ZNF208: variants seen among roughly 807,000 people sequenced by gnomAD.
The protein encoded by ZNF208 is zinc finger protein 95.
In ZNF208, 10 loss-of-function variants were observed where a neutral mutation model predicts 12.1. That is an observed-to-expected ratio of 0.83 (90% confidence interval 0.51 to 1.40). The LOEUF (loss-of-function observed/expected upper bound fraction) is 1.40. Among genes scored for constraint, ZNF208 ranks in the 40% most tolerant of loss-of-function variants. The pLI is 0.00. For missense variants in ZNF208, 1,652 were observed against 1,485.0 expected, an observed-to-expected ratio of 1.11 and a Z score of -1.85; for synonymous variants, 497 against 488.4, an observed-to-expected ratio of 1.02 and a Z score of -0.23.
At chr19:21,964,961 G>C (rs551105713), downstream of ZNF208, among the ~76,000 whole-genome samples, 1 of 151,800 alleles carries the variant, frequency 6.6e-6, no homozygotes, top group Non-Finnish European at 1.5e-5. Context: ...AAATAAGTAC[G>C]AAAATTTATG....
At chr19:22,001,684 G>A (rs527860925) in intron 1 of ZNF208, among the ~76,000 whole-genome samples, 6 of 151,986 alleles carry the variant, frequency 3.9e-5, no homozygotes, top group Admixed American at 2.6e-4. Flanking sequence ...GAGGTCAGGA[G>A]TTCAAGACCA....
At chr19:21,977,319 G>A (rs1274092588) in intron 3 of ZNF208, among the ~76,000 whole-genome samples, 1 of 152,216 alleles carries the variant, frequency 6.6e-6, no homozygotes, top group South Asian at 2.1e-4. Flanking sequence ...CTGGTCTACA[G>A]CTCCCAGCGC....
chr19:21,946,885 C>G (rs1230351157), intron 4 of ZNF208, among the ~76,000 whole-genome samples: 2 of 152,084 alleles, frequency 1.3e-5, no homozygotes, highest in East Asian at 3.9e-4. Flanking sequence ...CCTAAAAGCC[C>G]TTGGACCAAC....
intron 4 of ZNF208, among the ~76,000 whole-genome samples, chr19:21,948,503 C>T (rs2522090): frequency 0.56 from 84,683 of 151,916 alleles, 23,869 homozygotes; most frequent in East Asian, 0.69. Context: ...CCCCAATACC[C>T]ATATATCATC....
At chr19:21,950,314 G>C (rs1408294684) in intron 4 of ZNF208, among the ~76,000 whole-genome samples, 1 of 151,910 alleles carries the variant, frequency 6.6e-6, no homozygotes, top group Non-Finnish European at 1.5e-5. Flanking sequence ...ATAACCTCTG[G>C]TGGCCTGGGA....
intron 4 of ZNF208, among the ~76,000 whole-genome samples, chr19:21,960,918 T>C: frequency 6.6e-6 from 1 of 152,282 alleles, no homozygotes; most frequent in East Asian, 1.9e-4. Context: ...CTATTCAGTG[T>C]GAAGATGATG....
At chr19:21,966,041 C>T (rs1010651374), downstream of ZNF208, 4 of 151,994 alleles carry the variant, frequency 2.6e-5, no homozygotes, top group African/African-American at 9.7e-5. Flanking sequence ...AAAAATTTGT[C>T]TTTCACCCCT....
Position 21,974,427 on chromosome 19 carries a change from A to G in ZNF208, c.607T>C (p.Cys203Arg), listed in dbSNP as rs1970386721. ...TTAAAAGCTTTGCCACCTTCTTCAC[A>G]TTTGTAGGAATTCTCTCTAGTATAA... ...RIYTRENSYK[C>R]EEGGKAFNWS... Residue 203 changes from cysteine to arginine, a missense_variant, in exon 4 of 4, where the codon TGT becomes CGT. Coordinates refer to ENST00000397126, the MANE Select transcript of ZNF208 (RefSeq NM_007153.3). 1 of 1,613,680 alleles carries G rather than the reference A, an allele frequency of 6.2e-7. No individual in the cohort carries two copies. Among genetic ancestry groups the G allele is most frequent in the South Asian group, 1.1e-5 (1 of 91,072 alleles).
Position 21,987,207 on chromosome 19 carries a change from C to G in ZNF208, c.226+9G>C. ...CTCATCCATGTTGTCTGTATTCACT[C>G]TCACCTACCTGGGGATTCTTCCACC... On this transcript the variant is annotated intron_variant, in intron 3 of 3. Coordinates refer to ENST00000397126, the MANE Select transcript of ZNF208 (RefSeq NM_007153.3). 6.2e-7 allele frequency: 1 copy of G among 1,608,726 alleles called. No homozygotes were observed. Among genetic ancestry groups the G allele is most frequent in the East Asian group, 2.3e-5 (1 of 44,436 alleles).
intron 1 of ZNF208, among the ~76,000 whole-genome samples, chr19:21,997,188 G>A (rs1970852722): frequency 6.6e-6 from 1 of 152,202 alleles, no homozygotes. Flanking sequence ...ATTTGCTCAA[G>A]AGATTGCAAA....
At chr19:22,000,820 A>C (rs1970932231) in intron 1 of ZNF208, among the ~76,000 whole-genome samples, 1 of 152,184 alleles carries the variant, frequency 6.6e-6, no homozygotes, top group Non-Finnish European at 1.5e-5. Flanking sequence ...TAGATTAATG[A>C]AGAAGATACA....
intron 4 of ZNF208, among the ~76,000 whole-genome samples, chr19:21,960,781 G>C (rs1385993669): frequency 2.0e-5 from 3 of 152,168 alleles, no homozygotes; most frequent in Admixed American, 6.5e-5. Context: ...TGAAGCCTCT[G>C]CAGCTGTGTG....
chr19:21,968,143 C>A lies in ZNF208; in HGVS notation c.*3048G>T, dbSNP rs972727325. On this transcript the variant is annotated 3_prime_UTR_variant, in exon 4 of 4. Transcript: ENST00000397126. ...CAGGCTTAGAACTCTTTTGGTGAAACCTTTAAAGTATTCTAGGTGGACAAT... is the reference window on the plus strand; with the variant it reads ...CAGGCTTAGAACTCTTTTGGTGAAAACTTTAAAGTATTCTAGGTGGACAAT... The A allele has an allele frequency of 1.3e-5, 2 of 151,874 alleles. No homozygotes were observed. Among genetic ancestry groups the A allele is most frequent in the Non-Finnish European group, 2.9e-5 (2 of 67,968 alleles). The allele number at this position is 151,874 out of a possible 1,614,324, so 9.4% of individuals were successfully genotyped here. A position where few individuals can be genotyped will look rare whatever the true frequency, so the allele number is the denominator to read the frequency against.
chr19:21,959,383 C>T (rs1000136139), intron 4 of ZNF208, among the ~76,000 whole-genome samples: 2 of 152,156 alleles, frequency 1.3e-5, no homozygotes, highest in Non-Finnish European at 2.9e-5. Flanking sequence ...TACTCACATA[C>T]ACAGAAAAAG....
intron 4 of ZNF208, among the ~76,000 whole-genome samples, chr19:21,957,877 C>T (rs1324119513): frequency 6.6e-6 from 1 of 151,498 alleles, no homozygotes; most frequent in African/African-American, 2.4e-5. Context: ...GGTACCTGTG[C>T]ACAATGTGCA....
At chr19:22,002,301 T>C (rs1430301297) in intron 1 of ZNF208, among the ~76,000 whole-genome samples, 1 of 152,130 alleles carries the variant, frequency 6.6e-6, no homozygotes, top group African/African-American at 2.4e-5. Flanking sequence ...GGATGCCTTC[T>C]CTCAACACTC....
rs1452082631 is a variant in ZNF208 at position 21,970,300 on chromosome 19, T to A, written c.*891A>T. 6.6e-6 allele frequency among the ~76,000 whole-genome samples: 1 copy of A among 152,270 alleles called. No individual in the cohort carries two copies. Among genetic ancestry groups the A allele is most frequent in the African/African-American group, 2.4e-5 (1 of 41,584 alleles). On this transcript the variant is annotated 3_prime_UTR_variant, in exon 4 of 4. Coordinates refer to ENST00000397126, the MANE Select transcript of ZNF208 (RefSeq NM_007153.3). The stretch of plus-strand genomic sequence containing the variant: ...TCTCTCCAGTATGAGTTGTCTTATA[T>A]GTAGTAAGCCTTAAGGACTGGTTAA...
intron 3 of ZNF208, among the ~76,000 whole-genome samples, chr19:21,975,287 T>C (rs1452050573): frequency 6.6e-6 from 1 of 152,214 alleles, no homozygotes; most frequent in South Asian, 2.1e-4. Context: ...CTGAAAGATA[T>C]GGTGGTATAC....
At chr19:21,948,707 T>C (rs1359324644) in intron 4 of ZNF208, among the ~76,000 whole-genome samples, 1 of 152,136 alleles carries the variant, frequency 6.6e-6, no homozygotes, top group East Asian at 1.9e-4. Flanking sequence ...TTTAACCCAA[T>C]GTTTAATGTT....
Sources: allele counts gnomAD v4.1 joint callset (sites outside exome capture counted in the v4.1 genomes callset), GRCh38; gene constraint gnomAD v4.1.1; transcripts MANE v1.5; gene names NCBI Gene and HGNC (gene_info 2026-07-23, HGNC 2026-07-21).